Variants in FGFR2 observed in about 807,000 individuals in gnomAD.
FGFR2 encodes the protein BEK fibroblast growth factor receptor.
FGFR2 carries 19 observed loss-of-function variants against 95.9 expected under a neutral mutation model. That is an observed-to-expected ratio of 0.20 (90% confidence interval 0.14 to 0.29). The LOEUF (loss-of-function observed/expected upper bound fraction) is 0.29. Among genes scored for constraint, FGFR2 ranks in the 10% least tolerant of loss-of-function variants. The probability of loss-of-function intolerance (pLI) is 1.00; values close to 1 mark genes in which losing one functional copy is unlikely to be tolerated. For missense variants in FGFR2, 707 were observed against 1,056.9 expected, an observed-to-expected ratio of 0.67 and a Z score of 4.59; for synonymous variants, 392 against 393.3, an observed-to-expected ratio of 1.00 and a Z score of 0.04.
At chr10:121,550,040 C>A (rs1332913816) in intron 5 of FGFR2, among the ~76,000 whole-genome samples, 2 of 152,184 alleles carry the variant, frequency 1.3e-5, no homozygotes, top group Non-Finnish European at 2.9e-5. Flanking sequence ...TTCCTTCAGT[C>A]CTTTTCATAT....
chr10:121,533,912 T>G (rs368509134), intron 6 of FGFR2, among the ~76,000 whole-genome samples: 304 of 151,508 alleles, frequency 2.0e-3, no homozygotes, highest in African/African-American at 6.8e-3. Flanking sequence ...AGGGGAGGGG[T>G]GGGCGTAAAG....
chr10:121,512,923 G>A (rs3135765), intron 9 of FGFR2, among the ~76,000 whole-genome samples: 17,965 of 151,952 alleles, frequency 0.12, 1,381 homozygotes, highest in South Asian at 0.22. Flanking sequence ...AGGCTGGAGC[G>A]CAATGGTGTG....
intron 13 of FGFR2, among the ~76,000 whole-genome samples, chr10:121,489,942 AG>A (rs1845911321): frequency 6.6e-6 from 1 of 152,132 alleles, no homozygotes; most frequent in South Asian, 2.1e-4. Flanking sequence ...TGAAATGACT[AG>A]TCATGTCCTT....
At chr10:121,508,781 G>A (rs1046422894) in intron 9 of FGFR2, among the ~76,000 whole-genome samples, 4 of 152,310 alleles carry the variant, frequency 2.6e-5, no homozygotes, top group African/African-American at 7.2e-5. Flanking sequence ...GTAAGAAAAC[G>A]TGCAAAGTCT....
intron 8 of FGFR2, among the ~76,000 whole-genome samples, chr10:121,516,596 T>C (rs1044148697): frequency 7.9e-5 from 12 of 152,186 alleles, no homozygotes; most frequent in Admixed American, 6.5e-5. Flanking sequence ...AAGAGGCAGA[T>C]GCATCAGAGA....
chr10:121,523,016 T>C (rs140536927), intron 6 of FGFR2, among the ~76,000 whole-genome samples: 34 of 152,352 alleles, frequency 2.2e-4, no homozygotes, highest in East Asian at 1.7e-3. Context: ...GTGGAATTTG[T>C]TGGACAAGAG....
At chr10:121,494,090 A>C (rs537049011) in intron 13 of FGFR2, among the ~76,000 whole-genome samples, 9 of 151,682 alleles carry the variant, frequency 5.9e-5, no homozygotes, top group African/African-American at 1.9e-4. Flanking sequence ...CTTCCCATTC[A>C]CCACACAAGC....
At chr10:121,553,995 T>C (rs1390328243) in intron 4 of FGFR2, among the ~76,000 whole-genome samples, 2 of 152,166 alleles carry the variant, frequency 1.3e-5, no homozygotes, top group Non-Finnish European at 2.9e-5. Flanking sequence ...CGGGAGTGAT[T>C]TAAGGACTAA....
At chr10:121,504,514 C>A (rs1387644676) in intron 9 of FGFR2, among the ~76,000 whole-genome samples, 1 of 152,078 alleles carries the variant, frequency 6.6e-6, no homozygotes, top group Non-Finnish European at 1.5e-5. Flanking sequence ...TCAAAATAAC[C>A]CCAGACCCCA....
At position 121,479,821 on chromosome 10, in the gene FGFR2, G is replaced by C. The variant is rs1844438122; in HGVS notation, c.*36C>G. On this transcript the variant is annotated 3_prime_UTR_variant, in exon 18 of 18. Coordinates refer to ENST00000358487, the MANE Select transcript of FGFR2 (RefSeq NM_000141.5). ...CCTGCTCAGTGTAGCTAGGTTCCCA[G>C]TGCTGTCCTGTTTGGGGACAGGCAG... The C allele has an allele frequency of 6.2e-7, 1 of 1,614,056 alleles. No homozygotes were observed. Among genetic ancestry groups the C allele is most frequent in the Non-Finnish European group, 8.5e-7 (1 of 1,179,930 alleles).
chr10:121,516,374 A>G (rs1007010168), intron 8 of FGFR2, among the ~76,000 whole-genome samples: 2 of 152,272 alleles, frequency 1.3e-5, no homozygotes, highest in Non-Finnish European at 2.9e-5. Context: ...TATTATTGAA[A>G]GCTTATACAT....
chr10:121,572,134 T>A lies in FGFR2; in HGVS notation c.110-6430A>T, dbSNP rs185436036. ...TTCAAGACCAGCCTAGGGAACATAG[T>A]AAGATCCTCTCTCCACAAAAAATGA... On this transcript the variant is annotated intron_variant, in intron 2 of 17. Transcript: ENST00000358487. Among the ~76,000 whole-genome samples, 5 of 118,760 alleles carry A rather than the reference T, an allele frequency of 4.2e-5. No individual in the cohort carries two copies. In the East Asian group the frequency reaches 1.2e-3, roughly 28 times the overall value. The allele number at this position is 118,760 out of a possible 152,430, so 77.9% of individuals were successfully genotyped here. A position where few individuals can be genotyped will look rare whatever the true frequency, so the allele number is the denominator to read the frequency against.
intron 9 of FGFR2, among the ~76,000 whole-genome samples, chr10:121,506,103 T>C (rs1032375071): frequency 6.6e-6 from 1 of 152,018 alleles, no homozygotes; most frequent in African/African-American, 2.4e-5. Context: ...CACGCCGTAA[T>C]CTCAGCACTT....
Position 121,485,280 on chromosome 10 carries a change from C to A in FGFR2, c.2195+115G>T, listed in dbSNP as rs562652404. On this transcript the variant is annotated intron_variant, in intron 16 of 17. Transcript: ENST00000358487. This position sits in a 1 kb window ranked among gnomAD's most constrained non-coding sequence, Gnocchi z 4.2. ...TTGAGCCCAGAGAGCTTCAGCCATT[C>A]TTCTTAGAGCATGTTTAGGAAACCA... The A allele has an allele frequency of 2.1e-6, 3 of 1,419,170 alleles. No homozygotes were observed. Among genetic ancestry groups the A allele is most frequent in the African/African-American group, 1.4e-5 (1 of 71,316 alleles). 87.9% of individuals were successfully genotyped at this position (1,419,170 alleles called of 1,614,324 possible).
chr10:121,513,774 C>T (rs780280250), intron 9 of FGFR2, among the ~76,000 whole-genome samples: 5 of 152,232 alleles, frequency 3.3e-5, no homozygotes, highest in South Asian at 2.1e-4. Flanking sequence ...CATTCGCCTA[C>T]GCTTGACACA....
intron 2 of FGFR2, among the ~76,000 whole-genome samples, chr10:121,584,376 C>A: frequency 6.9e-6 from 1 of 144,646 alleles, no homozygotes; most frequent in Non-Finnish European, 1.5e-5. Context: ...CCCTCTCCAT[C>A]CCGCACCCCA....
chr10:121,513,623 A>T (rs900381655), intron 9 of FGFR2, among the ~76,000 whole-genome samples: 1 of 152,194 alleles, frequency 6.6e-6, no homozygotes, highest in African/African-American at 2.4e-5. Flanking sequence ...ACTCTTCTAG[A>T]AACTGGTTGG....
chr10:121,483,640 A>G, intron 17 of FGFR2, 58 bp downstream of exon 17: 1 of 1,245,104 alleles, frequency 8.0e-7, no homozygotes, highest in Non-Finnish European at 1.2e-6. Flanking sequence ...TGTGTAAAAC[A>G]CTACGCATGT....
At chr10:121,503,978 G>C (rs2134067886) in intron 9 of FGFR2, 37 bp from the exon 10 acceptor site, 1 of 1,612,306 alleles carries the variant, frequency 6.2e-7, no homozygotes, top group Non-Finnish European at 8.5e-7. Flanking sequence ...TGTAATCCTG[G>C]CTCCATCTGA....
Sources: allele counts gnomAD v4.1 joint callset (sites outside exome capture counted in the v4.1 genomes callset), GRCh38; gene constraint gnomAD v4.1.1; non-coding constraint Gnocchi (gnomAD v3.1); transcripts MANE v1.5; gene names NCBI Gene and HGNC (gene_info 2026-07-23, HGNC 2026-07-21).